CNOT6L: variants seen among roughly 807,000 people sequenced by gnomAD.
CNOT6L encodes the protein CCR4-NOT transcription complex subunit 6-like.
Under a neutral mutation model 64.0 loss-of-function variants are expected in CNOT6L, and 7 were observed. That is an observed-to-expected ratio of 0.11 (90% CI 0.06 to 0.21). CNOT6L has a LOEUF of 0.21. Among genes scored for constraint, CNOT6L ranks in the 10% least tolerant of loss-of-function variants. CNOT6L has a pLI of 1.00. For missense variants in CNOT6L, 245 were observed against 669.0 expected (o/e 0.37, Z 6.99); for synonymous variants, 193 against 243.4 (o/e 0.79, Z 1.93).
At chr4:77,780,497 T>C (rs1728740497) in intron 1 of CNOT6L, among the ~76,000 whole-genome samples, 3 of 152,122 alleles carry the variant, frequency 2.0e-5, no homozygotes, top group Non-Finnish European at 4.4e-5. Context: ...CGAAAAACAC[T>C]CCACTTAGTT....
At chr4:77,743,980 G>C (rs776127062) in intron 7 of CNOT6L, among the ~76,000 whole-genome samples, 17 of 151,988 alleles carry the variant, frequency 1.1e-4, no homozygotes, top group African/African-American at 3.6e-4. Context: ...AGCCTCATTT[G>C]ATCATTTAAA....
At chr4:77,775,617 T>C (rs1274459465) in intron 2 of CNOT6L, among the ~76,000 whole-genome samples, 2 of 152,196 alleles carry the variant, frequency 1.3e-5, no homozygotes, top group Non-Finnish European at 2.9e-5. Context: ...TTCACCAGTT[T>C]TTATACCTTT....
At chr4:77,809,746 C>T (rs1158523617) in intron 1 of CNOT6L, among the ~76,000 whole-genome samples, 1 of 152,032 alleles carries the variant, frequency 6.6e-6, no homozygotes, top group Non-Finnish European at 1.5e-5. Context: ...TTATGTAACT[C>T]TAATTTATGT....
intron 1 of CNOT6L, among the ~76,000 whole-genome samples, chr4:77,789,233 T>A (rs1729805932): frequency 6.6e-6 from 1 of 151,998 alleles, no homozygotes; most frequent in Non-Finnish European, 1.5e-5. Flanking sequence ...ACCCTCTAAC[T>A]GCTTGTTTTC....
intron 1 of CNOT6L, among the ~76,000 whole-genome samples, chr4:77,796,323 C>T (rs1730845275): frequency 1.3e-5 from 2 of 152,122 alleles, no homozygotes; most frequent in South Asian, 4.1e-4. Context: ...AATATCATCT[C>T]AAATTGCAAT....
chr4:77,779,046 C>CT (rs1728503470), intron 1 of CNOT6L, among the ~76,000 whole-genome samples: 1 of 67,112 alleles, frequency 1.5e-5, no homozygotes, highest in South Asian at 7.0e-4. Context: ...GACTCTGTCT[C>CT]AAAAAAAAAA....
chr4:77,725,061 T>C (rs2109865558), intron 11 of CNOT6L, among the ~76,000 whole-genome samples: 1 of 152,310 alleles, frequency 6.6e-6, no homozygotes, highest in Non-Finnish European at 1.5e-5. Context: ...AGCACATCAC[T>C]ACATACAAGT....
chr4:77,787,874 G>A (rs1177863324), intron 1 of CNOT6L, among the ~76,000 whole-genome samples: 1 of 152,136 alleles, frequency 6.6e-6, no homozygotes, highest in East Asian at 1.9e-4. Context: ...AATATAAAGA[G>A]GTTTAGAAGC....
At chr4:77,800,237 C>T (rs900898754) in intron 1 of CNOT6L, among the ~76,000 whole-genome samples, 1 of 152,070 alleles carries the variant, frequency 6.6e-6, no homozygotes, top group African/African-American at 2.4e-5. Context: ...TATTATGGCT[C>T]ACACCTATAA....
chr4:77,788,833 A>C (rs1314475607), intron 1 of CNOT6L, among the ~76,000 whole-genome samples: 3 of 151,980 alleles, frequency 2.0e-5, no homozygotes, highest in Non-Finnish European at 2.9e-5. Flanking sequence ...GAAAAAAAAA[A>C]CACAAGGCAA....
At chr4:77,814,807 T>C (rs561207230) in intron 1 of CNOT6L, among the ~76,000 whole-genome samples, 2 of 152,334 alleles carry the variant, frequency 1.3e-5, no homozygotes, top group South Asian at 4.1e-4. Flanking sequence ...TTTCACATTA[T>C]AATAAACCTG....
chr4:77,794,150 C>CAAA (rs10649868), intron 1 of CNOT6L, among the ~76,000 whole-genome samples: 2,275 of 51,788 alleles, frequency 0.044, 505 homozygotes, highest in East Asian at 0.085. Context: ...GACTCTGTCT[C>CAAA]AAAAAAAAAA....
rs182265932 is a variant in CNOT6L, at chr4:77,719,185, T to A, written c.*1246A>T. On this transcript the variant is annotated 3_prime_UTR_variant, in exon 12 of 12. Transcript: ENST00000504123. ...GCCTCTTGAGTCACAGATTTTCAACTGGCCCCTCCTAGGCAAAAAAAAGAT... is the reference window on the plus strand; with the variant it reads ...GCCTCTTGAGTCACAGATTTTCAACAGGCCCCTCCTAGGCAAAAAAAAGAT... 1 of 152,730 alleles carries A rather than the reference T, an allele frequency of 6.5e-6. No individual in the cohort carries two copies. The highest frequency in any genetic ancestry group is 2.4e-5 in the African/African-American group (1 of 41,558). The allele number at this position is 152,730 out of a possible 1,614,324, so 9.5% of individuals were successfully genotyped here. A position where few individuals can be genotyped will look rare whatever the true frequency, so the allele number is the denominator to read the frequency against.
chr4:77,819,318 C>G lies in CNOT6L; in HGVS notation c.-10G>C, dbSNP rs1229764909. 1.2e-6 allele frequency: 2 copies of G among 1,613,678 alleles called. No homozygotes were observed. The highest frequency in any genetic ancestry group is 1.3e-5 in the African/African-American group (1 of 75,012). ...GAACACTCTACCTCATTCTCTTCCTCTGGCCCAGAAGCAACAGCAGCCATT... is the reference window on the plus strand; with the variant it reads ...GAACACTCTACCTCATTCTCTTCCTGTGGCCCAGAAGCAACAGCAGCCATT... On this transcript the variant is annotated 5_prime_UTR_variant, in exon 1 of 12. Coordinates refer to ENST00000504123, the MANE Select transcript of CNOT6L (RefSeq NM_144571.3).
chr4:77,720,678 A>G, intron 11 of CNOT6L, 35 bp from the exon 12 acceptor site: 1 of 1,603,662 alleles, frequency 6.2e-7, no homozygotes, highest in Non-Finnish European at 8.5e-7. Context: ...AAAAAGAAAA[A>G]TTCAAGATAT....
intron 1 of CNOT6L, among the ~76,000 whole-genome samples, chr4:77,789,899 G>A (rs983254645): frequency 9.8e-5 from 14 of 142,484 alleles, no homozygotes; most frequent in South Asian, 4.4e-4. Flanking sequence ...TGCAGTGACC[G>A]GTGATTGTGC....
chr4:77,782,010 T>C (rs537306644), intron 1 of CNOT6L, among the ~76,000 whole-genome samples: 9 of 152,236 alleles, frequency 5.9e-5, no homozygotes, highest in African/African-American at 2.2e-4. Flanking sequence ...GCAGAGTTCC[T>C]AAAATTGAAA....
chr4:77,732,584 A>G (rs1722565072), intron 8 of CNOT6L, among the ~76,000 whole-genome samples: 1 of 152,026 alleles, frequency 6.6e-6, no homozygotes, highest in Non-Finnish European at 1.5e-5. Flanking sequence ...CCAATTCTGA[A>G]CGTGTCAGCT....
chr4:77,746,112 G>A (rs1728126507), intron 6 of CNOT6L, among the ~76,000 whole-genome samples: 1 of 152,200 alleles, frequency 6.6e-6, no homozygotes, highest in South Asian at 2.1e-4. Context: ...ATGTCATTTG[G>A]AAGTAAGGCG....
Sources: gnomAD v4.1 joint callset for allele counts (sites outside exome capture counted in the v4.1 genomes callset) on GRCh38, gnomAD v4.1.1 for gene constraint, MANE v1.5 for transcripts, NCBI Gene and HGNC (gene_info 2026-07-23, HGNC 2026-07-21) for gene names.